Variants in COL6A5 observed in about 807,000 individuals in gnomAD.
COL6A5 encodes the protein collagen alpha-5(VI) chain.
Under a neutral mutation model 65.6 loss-of-function variants are expected in COL6A5, and 48 were observed. The ratio of observed to expected loss-of-function variants is 0.73; its 90% confidence interval spans 0.58 to 0.93. The LOEUF (loss-of-function observed/expected upper bound fraction) is 0.93, where lower values mean the gene tolerates loss of function less well. COL6A5 is among the 40% of genes least tolerant of loss of function. The pLI is 0.00. For synonymous variants in COL6A5, 291 were observed against 322.8 expected (o/e 0.90, Z 1.05); for missense variants, 914 against 928.3 (o/e 0.98, Z 0.20).
exon 3 of COL6A5, chr3:130,440,501 G>A (rs888664262): frequency 3.1e-6 from 5 of 1,613,620 alleles, no homozygotes; most frequent in Admixed American, 1.7e-5. Context: ...GCTAAATGGA[G>A]AAGCAACAAT....
chr3:130,405,995 A>C, exon 15 of COL6A5: 1 of 1,551,320 alleles, frequency 6.4e-7, no homozygotes, highest in Non-Finnish European at 8.7e-7. Context: ...TTTTGCAGGG[A>C]CTCAAAGGAT....
At chr3:130,471,250 A>G (rs531911233) in intron 7 of COL6A5, among the ~76,000 whole-genome samples, 2 of 152,206 alleles carry the variant, frequency 1.3e-5, no homozygotes, top group Non-Finnish European at 2.9e-5. Flanking sequence ...AGTAGATAAC[A>G]TAACTCCAAT....
intron 1 of COL6A5, among the ~76,000 whole-genome samples, chr3:130,434,593 C>T (rs992697543): frequency 6.6e-6 from 1 of 152,190 alleles, no homozygotes; most frequent in East Asian, 1.9e-4. Context: ...GCCTTGCCAG[C>T]ATCTATTGTT....
At chr3:130,424,974 A>C (rs1937577115) in intron 29 of COL6A5, among the ~76,000 whole-genome samples, 1 of 152,094 alleles carries the variant, frequency 6.6e-6, no homozygotes, top group Admixed American at 6.6e-5. Context: ...ACTTGTTCAA[A>C]GTTATTTAAG....
intron 25 of COL6A5, among the ~76,000 whole-genome samples, chr3:130,420,887 T>A (rs1346986325): frequency 6.6e-6 from 1 of 152,094 alleles, no homozygotes; most frequent in Non-Finnish European, 1.5e-5. Context: ...GGGAAGAAAC[T>A]GCCACTGACT....
intron 18 of COL6A5, 100 bp from the exon 19 acceptor site, chr3:130,409,909 T>C: frequency 1.3e-6 from 1 of 785,596 alleles, no homozygotes. Flanking sequence ...ACACCTCTTA[T>C]AGCTTGACCC....
At chr3:130,463,228 T>A (rs1415205564) in intron 5 of COL6A5, among the ~76,000 whole-genome samples, 2 of 152,120 alleles carry the variant, frequency 1.3e-5, no homozygotes, top group Non-Finnish European at 2.9e-5. Context: ...CTACAGTTCA[T>A]CTGGACAGAA....
At chr3:130,387,611 C>A (rs1485932435) in intron 5 of COL6A5, among the ~76,000 whole-genome samples, 1 of 151,986 alleles carries the variant, frequency 6.6e-6, no homozygotes, top group African/African-American at 2.4e-5. Flanking sequence ...TGTGACCTTA[C>A]ACGTTTATTA....
chr3:130,447,870 A>G (rs2107709786), intron 4 of COL6A5, among the ~76,000 whole-genome samples: 1 of 152,282 alleles, frequency 6.6e-6, no homozygotes. Flanking sequence ...GAACACTGTA[A>G]TGGCCTTAGG....
chr3:130,404,559 A>C (rs1330502299), intron 13 of COL6A5, among the ~76,000 whole-genome samples: 1 of 152,168 alleles, frequency 6.6e-6, no homozygotes, highest in Non-Finnish European at 1.5e-5. Flanking sequence ...GGTGCTCTAA[A>C]TCACCTACTC....
exon 3 of COL6A5, chr3:130,376,405 A>T (rs761409486): frequency 6.2e-7 from 1 of 1,613,464 alleles, no homozygotes; most frequent in African/African-American, 1.3e-5. Context: ...GACGAGTTTC[A>T]CAGTGAATTC....
At chr3:130,466,371 A>C (rs1709815082) in intron 5 of COL6A5, among the ~76,000 whole-genome samples, 1 of 152,056 alleles carries the variant, frequency 6.6e-6, no homozygotes, top group South Asian at 2.1e-4. Flanking sequence ...TAAATAGTCC[A>C]TGGTCAAAGA....
intron 4 of COL6A5, among the ~76,000 whole-genome samples, chr3:130,384,224 G>A (rs944810107): frequency 6.6e-6 from 1 of 151,980 alleles, no homozygotes; most frequent in African/African-American, 2.4e-5. Flanking sequence ...AGCCTAATGT[G>A]GTTGGAACAC....
At chr3:130,379,621 T>C (rs1935918034) in exon 4 of COL6A5, 2 of 1,551,484 alleles carry the variant, frequency 1.3e-6, no homozygotes, top group Non-Finnish European at 1.7e-6. Context: ...TTTTCTTAAA[T>C]CAAGCACAAC....
At chr3:130,357,074 T>G (rs1934949903) in intron 1 of COL6A5, among the ~76,000 whole-genome samples, 1 of 152,062 alleles carries the variant, frequency 6.6e-6, no homozygotes, top group African/African-American at 2.4e-5. Flanking sequence ...CAGTAAACAG[T>G]ATAATTTACT....
At chr3:130,408,269 T>C (rs4688796) in intron 17 of COL6A5, among the ~76,000 whole-genome samples, 6 of 135,318 alleles carry the variant, frequency 4.4e-5, no homozygotes, top group East Asian at 5.7e-4. Context: ...ATTCCCGGTG[T>C]GGGGGTGGTG....
intron 7 of COL6A5, among the ~76,000 whole-genome samples, chr3:130,392,659 G>T (rs975928540): frequency 2.0e-5 from 3 of 151,522 alleles, no homozygotes; most frequent in Non-Finnish European, 2.9e-5. Flanking sequence ...GCTCACTTTT[G>T]TCACTAATAT....
At chr3:130,479,179 G>A (rs1710172775) in intron 7 of COL6A5, among the ~76,000 whole-genome samples, 1 of 151,888 alleles carries the variant, frequency 6.6e-6, no homozygotes, top group South Asian at 2.1e-4. Flanking sequence ...TATAATAAAG[G>A]ACACAAGGGG....
chr3:130,394,827 T>C (rs768614587), intron 7 of COL6A5, 63 bp from the exon 8 acceptor site: 3 of 1,254,240 alleles, frequency 2.4e-6, no homozygotes, highest in Admixed American at 2.4e-5. Flanking sequence ...TTTAAGTATA[T>C]GAGGAAAGGA....
Sources: allele counts gnomAD v4.1 joint callset (sites outside exome capture counted in the v4.1 genomes callset), GRCh38; gene constraint gnomAD v4.1.1; transcripts MANE v1.5; gene names NCBI Gene and HGNC (gene_info 2026-07-23, HGNC 2026-07-21).